MCTP1: variants seen among roughly 807,000 people sequenced by gnomAD.
MCTP1 encodes multiple C2 and transmembrane domain-containing protein 1.
MCTP1 carries 69 observed loss-of-function variants against 120.6 expected under a neutral mutation model. The ratio of observed to expected loss-of-function variants is 0.57; its 90% CI spans 0.47 to 0.70. The LOEUF is 0.70. MCTP1 is among the 30% of genes least tolerant of loss of function. The probability of loss-of-function intolerance (pLI) is 0.00; values close to 1 mark genes in which losing one functional copy is unlikely to be tolerated. For synonymous variants in MCTP1, 529 were observed against 493.1 expected (o/e 1.07, Z -0.96); for missense variants, 1,203 against 1,248.8 (o/e 0.96, Z 0.55).
At chr5:94,952,267 CATA>C (rs1314492496) in intron 3 of MCTP1, among the ~76,000 whole-genome samples, 1 of 151,144 alleles carries the variant, frequency 6.6e-6, no homozygotes, top group African/African-American at 2.4e-5. Context: ...CTATTTGCCC[CATA>C]ATGACTTATA....
intron 2 of MCTP1, among the ~76,000 whole-genome samples, chr5:94,953,794 CATATATATACAT>C (rs1451864167): frequency 8.6e-6 from 1 of 116,388 alleles, no homozygotes; most frequent in Non-Finnish European, 1.7e-5. Flanking sequence ...TATTCCATGG[CATATATATACAT>C]ATATATATAC....
chr5:94,988,658 A>G (rs1188679649), intron 2 of MCTP1, among the ~76,000 whole-genome samples: 1 of 144,760 alleles, frequency 6.9e-6, no homozygotes, highest in Non-Finnish European at 1.5e-5. Context: ...GCTATTTAAG[A>G]TTTGGTTAGG....
chr5:94,796,870 T>C (rs1322593835), intron 18 of MCTP1, among the ~76,000 whole-genome samples: 1 of 151,600 alleles, frequency 6.6e-6, no homozygotes, highest in Non-Finnish European at 1.5e-5. Context: ...GAACAGAATA[T>C]GTGGATCTGT....
intron 17 of MCTP1, among the ~76,000 whole-genome samples, chr5:94,817,940 G>A (rs190499049): frequency 1.8e-4 from 28 of 152,274 alleles, no homozygotes; most frequent in South Asian, 2.1e-4. Flanking sequence ...CTGGCTCTGC[G>A]TGGTGGACAT....
chr5:94,721,887 GAA>G (rs772197218), intron 19 of MCTP1, among the ~76,000 whole-genome samples: 3 of 126,048 alleles, frequency 2.4e-5, no homozygotes, highest in African/African-American at 8.7e-5. Flanking sequence ...TTTTGAAGGT[GAA>G]AAAAAAAAAA....
At chr5:94,831,714 T>C (rs1370447966) in intron 17 of MCTP1, among the ~76,000 whole-genome samples, 2 of 152,218 alleles carry the variant, frequency 1.3e-5, no homozygotes, top group Non-Finnish European at 2.9e-5. Context: ...TTTTAAAAGC[T>C]CTTTTCAAAT....
intron 1 of MCTP1, among the ~76,000 whole-genome samples, chr5:95,125,154 T>C (rs369944993): frequency 6.6e-6 from 1 of 152,320 alleles, no homozygotes; most frequent in East Asian, 1.9e-4. Flanking sequence ...CCATCAATTA[T>C]TAGAAAGTTA....
chr5:95,102,371 AG>A (rs1756798256), intron 1 of MCTP1, among the ~76,000 whole-genome samples: 1 of 152,216 alleles, frequency 6.6e-6, no homozygotes, highest in Non-Finnish European at 1.5e-5. Flanking sequence ...AGAAAAACCC[AG>A]CTCACTCCAG....
chr5:95,026,402 AC>A (rs1350762589), intron 1 of MCTP1, among the ~76,000 whole-genome samples: 1 of 151,708 alleles, frequency 6.6e-6, no homozygotes, highest in Non-Finnish European at 1.5e-5. Context: ...ATTCTTTCTA[AC>A]TACTTTTTGT....
intron 11 of MCTP1, among the ~76,000 whole-genome samples, chr5:94,890,225 C>G (rs899262405): frequency 6.6e-6 from 1 of 152,160 alleles, no homozygotes; most frequent in Non-Finnish European, 1.5e-5. Flanking sequence ...AGGATAGTCT[C>G]TGATTCCTGG....
At chr5:95,163,657 T>C (rs1344225041) in intron 1 of MCTP1, among the ~76,000 whole-genome samples, 1 of 152,214 alleles carries the variant, frequency 6.6e-6, no homozygotes. Flanking sequence ...GTCATATCAC[T>C]GGGAGGTTCT....
chr5:94,908,198 T>C (rs939375677), intron 10 of MCTP1, among the ~76,000 whole-genome samples: 2 of 151,962 alleles, frequency 1.3e-5, no homozygotes, highest in Admixed American at 6.6e-5. Flanking sequence ...AGGGAAAAAA[T>C]GTGCAATAAA....
chr5:94,957,328 A>T (rs976848644), intron 2 of MCTP1, among the ~76,000 whole-genome samples: 7 of 152,220 alleles, frequency 4.6e-5, no homozygotes, highest in Admixed American at 1.3e-4. Flanking sequence ...AGATGTAAAG[A>T]CCATTGACAA....
chr5:95,187,922 C>G (rs974942936), intron 1 of MCTP1, among the ~76,000 whole-genome samples: 1 of 151,984 alleles, frequency 6.6e-6, no homozygotes, highest in Admixed American at 6.6e-5. Context: ...GATAGATATC[C>G]CATTCTCCAT....
At chr5:95,025,459 G>A (rs1839088684) in intron 1 of MCTP1, among the ~76,000 whole-genome samples, 1 of 152,160 alleles carries the variant, frequency 6.6e-6, no homozygotes, top group Non-Finnish European at 1.5e-5. Flanking sequence ...CAAAAGTTTG[G>A]GGGCTAAAGC....
At chr5:95,278,626 C>T (rs1034126701) in intron 1 of MCTP1, among the ~76,000 whole-genome samples, 16 of 151,972 alleles carry the variant, frequency 1.1e-4, no homozygotes, top group Non-Finnish European at 2.2e-4. Context: ...GTAAGTTTTC[C>T]GGTAGCAAAA....
chr5:95,065,389 A>T (rs1369169619), intron 1 of MCTP1, among the ~76,000 whole-genome samples: 3 of 152,114 alleles, frequency 2.0e-5, no homozygotes, highest in African/African-American at 7.2e-5. Context: ...CTAAATCCAG[A>T]AACATATATA....
chr5:94,905,813 T>C (rs1806725104), intron 10 of MCTP1, among the ~76,000 whole-genome samples: 1 of 152,058 alleles, frequency 6.6e-6, no homozygotes, highest in South Asian at 2.1e-4. Flanking sequence ...AGTTATGGAG[T>C]GGAGCTGGAC....
At chr5:95,063,862 A>G (rs1446643457) in intron 1 of MCTP1, among the ~76,000 whole-genome samples, 5 of 152,166 alleles carry the variant, frequency 3.3e-5, no homozygotes, top group Admixed American at 2.0e-4. Context: ...AGAGTCCTCT[A>G]AAGTGTAATC....
Sources: allele counts gnomAD v4.1 joint callset (sites outside exome capture counted in the v4.1 genomes callset), GRCh38; gene constraint gnomAD v4.1.1; transcripts MANE v1.5; gene names NCBI Gene and HGNC (gene_info 2026-07-23, HGNC 2026-07-21).